CRISPLD1: variants seen among roughly 807,000 people sequenced by gnomAD.
The protein encoded by CRISPLD1 is cysteine-rich secretory protein LCCL domain-containing 1.
CRISPLD1 carries 60 observed loss-of-function variants against 77.5 expected under a neutral mutation model. The observed-to-expected ratio is 0.77, with a 90% confidence interval of 0.63 to 0.96. CRISPLD1 has a LOEUF of 0.96. CRISPLD1 is among the 40% of genes least tolerant of loss of function. The probability of loss-of-function intolerance (pLI) is 0.00; values close to 1 mark genes in which losing one functional copy is unlikely to be tolerated. For synonymous variants in CRISPLD1, 195 were observed against 200.1 expected, an observed-to-expected ratio of 0.97 and a Z score of 0.22; for missense variants, 623 against 615.8, an observed-to-expected ratio of 1.01 and a Z score of -0.12.
chr8:75,001,547 C>G (rs1380187923), intron 2 of CRISPLD1, among the ~76,000 whole-genome samples: 1 of 152,128 alleles, frequency 6.6e-6, no homozygotes, highest in South Asian at 2.1e-4. Context: ...AAGCAGTGAA[C>G]AGTAAAGCTT....
rs777827181 is a variant in CRISPLD1, at chr8:75,019,992, G to T, written c.1172-15G>T. 1 of 1,613,838 alleles carries T rather than the reference G, an allele frequency of 6.2e-7. No homozygotes were observed. The highest frequency in any genetic ancestry group is 8.5e-7 in the Non-Finnish European group (1 of 1,179,738). On this transcript the variant is annotated splice_polypyrimidine_tract_variant and intron_variant, in intron 11 of 14. Transcript: ENST00000262207. ...TCAAAGGATTCACTCATTGTTTTGT[G>T]TTTTAATTCTTCAGTTCAGGCTGTG...
intron 12 of CRISPLD1, among the ~76,000 whole-genome samples, chr8:75,023,746 G>A (rs1412136279): frequency 6.6e-6 from 1 of 151,680 alleles, no homozygotes; most frequent in Non-Finnish European, 1.5e-5. Context: ...ACTTAAAATT[G>A]TGTGTTTTCC....
chr8:74,987,767 A>G (rs1472550891), intron 2 of CRISPLD1, among the ~76,000 whole-genome samples: 2 of 152,164 alleles, frequency 1.3e-5, no homozygotes, highest in African/African-American at 2.4e-5. Context: ...GTGAATAGGT[A>G]TTCAGTTGCT....
At chr8:74,989,854 G>T (rs574895784) in intron 2 of CRISPLD1, among the ~76,000 whole-genome samples, 1 of 152,184 alleles carries the variant, frequency 6.6e-6, no homozygotes, top group Non-Finnish European at 1.5e-5. Flanking sequence ...GGGTTTTCTT[G>T]TACAGTTTTT....
At chr8:75,000,434 A>G in intron 2 of CRISPLD1, 8 of 985,018 alleles carry the variant, frequency 8.1e-6, no homozygotes, top group Non-Finnish European at 8.4e-6. Context: ...AACAAATACA[A>G]AGCAGTGCTA....
chr8:75,030,111 G>C (rs1314218984), intron 14 of CRISPLD1, among the ~76,000 whole-genome samples: 2 of 151,894 alleles, frequency 1.3e-5, no homozygotes, highest in African/African-American at 4.8e-5. Flanking sequence ...TGAAGCAATG[G>C]TGATTTTTAA....
chr8:75,027,330 T>C (rs2128788762), intron 13 of CRISPLD1, among the ~76,000 whole-genome samples: 1 of 152,320 alleles, frequency 6.6e-6, no homozygotes, highest in East Asian at 1.9e-4. Context: ...TTGAAACAAG[T>C]AGATTAATAA....
In CRISPLD1 at chr8:75,014,635, G is replaced by A. The variant is rs536719033; in HGVS notation, c.627-177G>A. Among the ~76,000 whole-genome samples the A allele has an allele frequency of 9.9e-5, 15 of 152,140 alleles. No individual in the cohort carries two copies. The East Asian group carries it at 2.9e-3, about 29-fold the overall frequency. On this transcript the variant is annotated intron_variant, in intron 5 of 14. Transcript: ENST00000262207. Reference sequence around the variant, plus strand: ...ATTACTTTGTAAATTTTCAAAATGAGGCAGTAATTTATATTTAAACCTAGT... The same window carrying A: ...ATTACTTTGTAAATTTTCAAAATGAAGCAGTAATTTATATTTAAACCTAGT...
intron 13 of CRISPLD1, chr8:75,026,888 G>T (rs1440574117): frequency 6.6e-6 from 1 of 151,914 alleles, no homozygotes; most frequent in Non-Finnish European, 1.5e-5. Flanking sequence ...AAGTCCTGCT[G>T]GTATCTTGAA....
At chr8:75,015,006 T>C in intron 6 of CRISPLD1, 94 bp downstream of exon 6, 1 of 669,494 alleles carries the variant, frequency 1.5e-6, no homozygotes, top group East Asian at 3.4e-5. Flanking sequence ...GTGCACTTAA[T>C]GATCACACGA....
At position 75,033,976 on chromosome 8, in the gene CRISPLD1, C is replaced by G. The variant is rs181803641; in HGVS notation, c.*1734C>G. 1 of 151,980 alleles carries G rather than the reference C, an allele frequency of 6.6e-6. No homozygotes were observed. The allele number at this position is 151,980 out of a possible 1,614,324, so 9.4% of individuals were successfully genotyped here. ...CTGCTCCTCCCACAACAGGGAAGCC[C>G]GATCAGTTCTGTCAGTATAAGGTTT... On this transcript the variant is annotated 3_prime_UTR_variant, in exon 15 of 15. Coordinates refer to ENST00000262207, the MANE Select transcript of CRISPLD1 (RefSeq NM_031461.6).
At chr8:75,013,926 G>A in intron 4 of CRISPLD1, 61 bp from the exon 5 acceptor site, 1 of 1,055,662 alleles carries the variant, frequency 9.5e-7, no homozygotes, top group African/African-American at 1.6e-5. Context: ...TTTTCTCTCA[G>A]AAGTGTTGTC....
chr8:75,019,890 C>T lies in CRISPLD1; in HGVS notation c.1148C>T (p.Ser383Phe). ...TTCAGCAAATATCAGTCTGCTAATT[C>T]CTTCACAGTCTCTAAAGTAACAGGT... ...QTIGKYQSANSFTVSKVTVQA... is the reference protein window; with the variant it reads ...QTIGKYQSANFFTVSKVTVQA... Residue 383 changes from serine to phenylalanine, a missense_variant, in exon 11 of 15, where the codon TCC becomes TTC. Ser to Phe is a radical substitution (Grantham distance 155, BLOSUM62 -2). Coordinates refer to ENST00000262207, the MANE Select transcript of CRISPLD1 (RefSeq NM_031461.6). The T allele has an allele frequency of 6.2e-7, 1 of 1,612,946 alleles. No individual in the cohort carries two copies.
intron 2 of CRISPLD1, among the ~76,000 whole-genome samples, chr8:75,003,927 A>G (rs1293733012): frequency 2.0e-5 from 3 of 152,172 alleles, no homozygotes; most frequent in Non-Finnish European, 4.4e-5. Flanking sequence ...TAAATGTGAT[A>G]TATTTATATA....
chr8:75,007,625 A>G (rs1180232024), intron 2 of CRISPLD1, among the ~76,000 whole-genome samples: 1 of 145,736 alleles, frequency 6.9e-6, no homozygotes, highest in Non-Finnish European at 1.5e-5. Context: ...GCTGGAGTGC[A>G]GTGGCGCGAT....
intron 2 of CRISPLD1, among the ~76,000 whole-genome samples, chr8:75,004,767 A>T (rs752170750): frequency 6.6e-6 from 1 of 152,160 alleles, no homozygotes; most frequent in Non-Finnish European, 1.5e-5. Flanking sequence ...ATAATTCTGT[A>T]TGTCTTTGAT....
chr8:74,989,553 T>A (rs1003352521), intron 2 of CRISPLD1, among the ~76,000 whole-genome samples: 7 of 150,526 alleles, frequency 4.7e-5, no homozygotes, highest in Admixed American at 6.6e-5. Context: ...TTTTTTTTTT[T>A]ATTTGAAAAA....
Position 75,032,173 on chromosome 8 carries a change from T to G in CRISPLD1, c.1452-18T>G. On this transcript the variant is annotated intron_variant, in intron 14 of 14. Transcript: ENST00000262207. ...AGATGACATCAATATACTTTTCATA[T>G]ATTTTTTTTTTTTGCAGTTTACAGA... is the stretch of plus-strand genomic sequence containing the variant. The G allele has an allele frequency of 6.5e-7, 1 of 1,528,250 alleles. No homozygotes were observed. The highest frequency in any genetic ancestry group is 8.9e-7 in the Non-Finnish European group (1 of 1,126,384). 94.7% of individuals were successfully genotyped at this position (1,528,250 alleles called of 1,614,324 possible). A position where few individuals can be genotyped will look rare whatever the true frequency, so the allele number is the denominator to read the frequency against.
In CRISPLD1 at chr8:74,985,933, G is replaced by T; in HGVS notation, c.-55G>T. The stretch of plus-strand genomic sequence containing the variant: ...CATGACATGTCGTTATAGCCAAAAG[G>T]AGTGGAAGAGCCTGTCTTGGAGATT... On this transcript the variant is annotated 5_prime_UTR_variant, in exon 2 of 15. Coordinates refer to ENST00000262207, the MANE Select transcript of CRISPLD1 (RefSeq NM_031461.6). 6.4e-7 allele frequency: 1 copy of T among 1,559,252 alleles called. No individual in the cohort carries two copies. The highest frequency in any genetic ancestry group is 8.7e-7 in the Non-Finnish European group (1 of 1,148,826).
Sources: allele counts gnomAD v4.1 joint callset (sites outside exome capture counted in the v4.1 genomes callset), GRCh38; gene constraint gnomAD v4.1.1; transcripts MANE v1.5; gene names NCBI Gene and HGNC (gene_info 2026-07-23, HGNC 2026-07-21).